Variants in TPT1 observed in about 807,000 individuals in gnomAD.
The protein encoded by TPT1 is tumor protein, translationally-controlled 1, also known as translationally-controlled tumor protein.
In TPT1, 5 loss-of-function variants were observed where a neutral mutation model predicts 22.8. That is an observed-to-expected ratio of 0.22 (90% CI 0.11 to 0.46). TPT1 has a LOEUF of 0.46. Ranked by LOEUF, TPT1 falls within the 20% of genes least tolerant of loss-of-function variation. The pLI, the probability that TPT1 is intolerant of heterozygous loss-of-function variation, is 0.99. For missense variants in TPT1, 130 were observed against 218.7 expected (o/e 0.59, Z 2.56); for synonymous variants, 89 against 73.6 (o/e 1.21, Z -1.07).
intron 3 of TPT1, 159 bp downstream of exon 3, chr13:45,339,832 CTCA>C (rs1354976789): frequency 2.4e-6 from 2 of 819,932 alleles, no homozygotes; most frequent in African/African-American, 3.5e-5. Context: ...CTTCAGTATG[CTCA>C]TATTATAGAA....
chr13:45,338,915 T>C, intron 4 of TPT1, 139 bp from the exon 5 acceptor site: 1 of 648,368 alleles, frequency 1.5e-6, no homozygotes, highest in East Asian at 2.8e-5. Context: ...GATGCTCACT[T>C]ATCATAGACA....
Position 45,340,062 on chromosome 13 carries a change from G to A in TPT1, c.225C>T (p.Asn75=), listed in dbSNP as rs781058995. ...TVITGVDIVM[N]HHLQETSFTK... is the part of the protein sequence containing the mutation. Reference sequence around the variant, plus strand: ...TGAAACTTGTTTCCTGCAGGTGATGGTTCATGACAATATCGACACCAGTGA... The same window carrying A: ...TGAAACTTGTTTCCTGCAGGTGATGATTCATGACAATATCGACACCAGTGA... The change falls in exon 3 of 6, where the codon AAC becomes AAT. Residue 75 remains asparagine (N), a synonymous_variant. Coordinates refer to ENST00000530705, the MANE Select transcript of TPT1 (RefSeq NM_003295.4). 3 of 1,614,060 alleles carry A rather than the reference G, an allele frequency of 1.9e-6. No individual in the cohort carries two copies. Among genetic ancestry groups the A allele is most frequent in the Non-Finnish European group, 2.5e-6 (3 of 1,180,032 alleles).
At chr13:45,338,896 A>G (rs542551465) in intron 4 of TPT1, 120 bp from the exon 5 acceptor site, 4 of 753,880 alleles carry the variant, frequency 5.3e-6, no homozygotes, top group Non-Finnish European at 8.4e-6. Flanking sequence ...TTCAGTACCC[A>G]AAAGCTCTGA....
In TPT1 at chr13:45,340,800, G is replaced by C. The variant is rs776752073; in HGVS notation, c.29-15C>G. 1 of 1,513,360 alleles carries C rather than the reference G, an allele frequency of 6.6e-7. No homozygotes were observed. The highest frequency in any genetic ancestry group is 2.3e-5 in the Admixed American group (1 of 43,496). The allele number at this position is 1,513,360 out of a possible 1,614,324, so 93.7% of individuals were successfully genotyped here. A position where few individuals can be genotyped will look rare whatever the true frequency, so the allele number is the denominator to read the frequency against. On this transcript the variant is annotated splice_polypyrimidine_tract_variant and intron_variant, in intron 1 of 5. Coordinates refer to ENST00000530705, the MANE Select transcript of TPT1 (RefSeq NM_003295.4). ...CATCTCATCGTCTGCCGGATACACA[G>C]AGCCGCCCATCACCGTGCGCCTGGC...
chr13:45,337,621 C>A, intron 5 of TPT1: 1 of 1,535,114 alleles, frequency 6.5e-7, no homozygotes, highest in South Asian at 1.1e-5. Context: ...ACACCCTTAC[C>A]AAATCAGCGG....
chr13:45,334,611 C>T lies in TPT1; in HGVS notation c.*2775G>A, dbSNP rs1878560272. ...CACCAGCATATCCTGTTGTCTCTAT[C>T]TTCATTTCCTACCACCTCAGTCTAC... On this transcript the variant is annotated 3_prime_UTR_variant, in exon 6 of 6. Transcript: ENST00000530705. The T allele has an allele frequency of 6.6e-6, 1 of 152,214 alleles. No individual in the cohort carries two copies. The highest frequency in any genetic ancestry group is 2.4e-5 in the African/African-American group (1 of 41,438). The allele number at this position is 152,214 out of a possible 1,614,324, so 9.4% of individuals were successfully genotyped here. A position where few individuals can be genotyped will look rare whatever the true frequency, so the allele number is the denominator to read the frequency against.
In TPT1 at chr13:45,339,605, A is replaced by G. The variant is rs769975408; in HGVS notation, c.294-3T>C. The G allele has an allele frequency of 6.2e-6, 10 of 1,607,672 alleles. No homozygotes were observed. The East Asian group carries it at 1.1e-4, about 18-fold the overall frequency. On this transcript the variant is annotated splice_polypyrimidine_tract_variant and splice_region_variant and intron_variant, in intron 3 of 5. Coordinates refer to ENST00000530705, the MANE Select transcript of TPT1 (RefSeq NM_003295.4). The stretch of plus-strand genomic sequence containing the variant: ...GTTCTTCAAGTTTCCCTTTGATTCT[A>G]AAACAACATTTCATTAACAGGTTGA...
chr13:45,340,901 G>A, intron 1 of TPT1, 116 bp from the exon 2 acceptor site: 1 of 1,486,494 alleles, frequency 6.7e-7, no homozygotes, highest in South Asian at 1.3e-5. Flanking sequence ...AGAGCTGGGC[G>A]CGAGCCCCGG....
At chr13:45,338,797 C>T (rs1878885942) in intron 4 of TPT1, 21 bp from the exon 5 acceptor site, 1 of 1,561,020 alleles carries the variant, frequency 6.4e-7, no homozygotes, top group Non-Finnish European at 8.7e-7. Context: ...AAACAAAATA[C>T]CTAGAATTAG....
intron 5 of TPT1, 144 bp from the exon 6 acceptor site, chr13:45,337,532 A>C (rs759597549): frequency 1.2e-6 from 2 of 1,613,322 alleles, no homozygotes; most frequent in South Asian, 2.2e-5. Flanking sequence ...CAGAAAGCGC[A>C]GGGATTTCTT....
chr13:45,335,169 G>A lies in TPT1; in HGVS notation c.*2217C>T, dbSNP rs539828843. ...AAAACGTCTTGACCCTAGGAATAAC[G>A]AGAAAAAGATATAAAATGAGACAGT... On this transcript the variant is annotated 3_prime_UTR_variant, in exon 6 of 6. Coordinates refer to ENST00000530705, the MANE Select transcript of TPT1 (RefSeq NM_003295.4). The A allele has an allele frequency of 2.0e-5, 3 of 152,234 alleles. No homozygotes were observed. Among genetic ancestry groups the A allele is most frequent in the Admixed American group, 6.5e-5 (1 of 15,294 alleles). 9.4% of individuals were successfully genotyped at this position (152,234 alleles called of 1,614,324 possible).
In TPT1 at chr13:45,333,522, T is replaced by C. The variant is rs1157822846; in HGVS notation, c.*3864A>G. The C allele has an allele frequency of 6.6e-6, 1 of 152,236 alleles. No individual in the cohort carries two copies. Among genetic ancestry groups the C allele is most frequent in the African/African-American group, 2.4e-5 (1 of 41,464 alleles). The allele number at this position is 152,236 out of a possible 1,614,324, so 9.4% of individuals were successfully genotyped here. ...AGATTTATTGCTCGTCTTGCAATTT[T>C]ACCATAATTATCACCAGTTTAGTTT... On this transcript the variant is annotated 3_prime_UTR_variant, in exon 6 of 6. Coordinates refer to ENST00000530705, the MANE Select transcript of TPT1 (RefSeq NM_003295.4).
At chr13:45,340,460 G>T in intron 2 of TPT1, 2 of 737,008 alleles carry the variant, frequency 2.7e-6, no homozygotes, top group Non-Finnish European at 4.8e-6. Flanking sequence ...GGACAAACAC[G>T]AAAGGACTCC....
At chr13:45,339,965 A>G (rs1051929858) in intron 3 of TPT1, 29 bp downstream of exon 3, 2 of 1,609,822 alleles carry the variant, frequency 1.2e-6, no homozygotes, top group Non-Finnish European at 1.7e-6. Flanking sequence ...GATTCTAGAC[A>G]TCAGCTAGGT....
At chr13:45,338,544 T>G in intron 5 of TPT1, 116 bp downstream of exon 5, 1 of 1,470,492 alleles carries the variant, frequency 6.8e-7, no homozygotes, top group Non-Finnish European at 9.0e-7. Flanking sequence ...AAGAGAAAAC[T>G]AAAACCATGT....
In TPT1 at chr13:45,334,455, T is replaced by C. The variant is rs1878550695; in HGVS notation, c.*2931A>G. 6.6e-6 allele frequency: 1 copy of C among 152,258 alleles called. No homozygotes were observed. The highest frequency in any genetic ancestry group is 2.4e-5 in the African/African-American group (1 of 41,466). 9.4% of individuals were successfully genotyped at this position (152,258 alleles called of 1,614,324 possible). A position where few individuals can be genotyped will look rare whatever the true frequency, so the allele number is the denominator to read the frequency against. ...TATAGTTCTCCAGCTTAGACTTCTCTGAAGAATCAGCATCTCAAACTTAAC... is the reference window on the plus strand; with the variant it reads ...TATAGTTCTCCAGCTTAGACTTCTCCGAAGAATCAGCATCTCAAACTTAAC... On this transcript the variant is annotated 3_prime_UTR_variant, in exon 6 of 6. Coordinates refer to ENST00000530705, the MANE Select transcript of TPT1 (RefSeq NM_003295.4).
At chr13:45,340,959 C>T in intron 1 of TPT1, 83 bp downstream of exon 1, 1 of 1,554,098 alleles carries the variant, frequency 6.4e-7, no homozygotes, top group Non-Finnish European at 8.7e-7. Context: ...TCCCCTAGGC[C>T]CGCGACGGCT....
intron 3 of TPT1, 21 bp from the exon 4 acceptor site, chr13:45,339,623 C>T: frequency 1.3e-6 from 2 of 1,584,254 alleles, no homozygotes; most frequent in Non-Finnish European, 1.7e-6. Flanking sequence ...ATTTCATTAA[C>T]AGGTTGAAGT....
rs893174634 is a variant in TPT1 at position 45,336,571 on chromosome 13, G to A, written c.*815C>T. 6.6e-6 allele frequency: 1 copy of A among 152,194 alleles called. No homozygotes were observed. The highest frequency in any genetic ancestry group is 2.4e-5 in the African/African-American group (1 of 41,430). The allele number at this position is 152,194 out of a possible 1,614,324, so 9.4% of individuals were successfully genotyped here. ...TAAATCAGGGGCTGGCAAACTTGCA[G>A]GCTCTAGTCTGTTAGACACAACTCT... On this transcript the variant is annotated 3_prime_UTR_variant, in exon 6 of 6. Transcript: ENST00000530705.
Sources: gnomAD v4.1 joint callset for allele counts on GRCh38, gnomAD v4.1.1 for gene constraint, MANE v1.5 for transcripts, NCBI Gene and HGNC (gene_info 2026-07-23, HGNC 2026-07-21) for gene names.